Variants in KATNIP observed in about 807,000 individuals in gnomAD.
KATNIP encodes the protein katanin-interacting protein.
In KATNIP, 126 loss-of-function variants were observed where a neutral mutation model predicts 174.0. That is an observed-to-expected ratio of 0.72 (90% confidence interval 0.63 to 0.84). KATNIP has a LOEUF of 0.84. KATNIP is among the 40% of genes least tolerant of loss of function. The pLI is 0.00. For synonymous variants in KATNIP, 810 were observed against 835.7 expected (o/e 0.97, Z 0.53); for missense variants, 1,958 against 2,109.7 (o/e 0.93, Z 1.41).
intron 2 of KATNIP, among the ~76,000 whole-genome samples, chr16:27,574,736 G>C (rs975704578): frequency 3.3e-5 from 5 of 151,832 alleles, no homozygotes; most frequent in African/African-American, 1.2e-4. Context: ...GGCTAATTTT[G>C]TATTTTTAGT....
chr16:27,700,024 C>A (rs1388942057), intron 10 of KATNIP, among the ~76,000 whole-genome samples: 5 of 152,132 alleles, frequency 3.3e-5, no homozygotes. Flanking sequence ...GATTCTCCCA[C>A]CTCAGCCTCC....
rs186179738 is a variant in KATNIP, at chr16:27,762,817, G to A, written c.3809+1227G>A. On this transcript the variant is annotated intron_variant, in intron 19 of 27. Coordinates refer to ENST00000261588, the MANE Select transcript of KATNIP (RefSeq NM_015202.5). ...ACTCTCCTGAGTATTTAGGCTTGGA[G>A]CCTGGAGACCTGGCTCCCAGTCAGC... 1.1e-3 allele frequency among the ~76,000 whole-genome samples: 166 copies of A among 152,306 alleles called. 2 individuals carry two copies. Among genetic ancestry groups the A allele is most frequent in the African/African-American group, 3.9e-3 (161 of 41,558 alleles).
At chr16:27,651,268 T>C (rs571987314) in intron 6 of KATNIP, among the ~76,000 whole-genome samples, 2 of 152,366 alleles carry the variant, frequency 1.3e-5, no homozygotes, top group South Asian at 4.1e-4. Context: ...GAGTGCTTGA[T>C]TATATTTCTC....
At chr16:27,702,578 G>A (rs1250746696) in intron 11 of KATNIP, among the ~76,000 whole-genome samples, 6 of 152,200 alleles carry the variant, frequency 3.9e-5, no homozygotes, top group Non-Finnish European at 7.3e-5. Context: ...GCTGAGAGGC[G>A]AGAAGGGGCT....
intron 1 of KATNIP, among the ~76,000 whole-genome samples, chr16:27,560,283 G>GAAA (rs765910684): frequency 0.022 from 1,007 of 44,922 alleles, 14 homozygotes; most frequent in African/African-American, 0.047. Context: ...CTCTGTCTCA[G>GAAA]AAAAAAAAAA....
In KATNIP at chr16:27,778,642, G is replaced by A; in HGVS notation, c.*13G>A. ...ACGGCGCTGCTGACTGGTGAAGGAG[G>A]GAGAGCTGGTCCTCCCACTATGGTG... On this transcript the variant is annotated 3_prime_UTR_variant, in exon 28 of 28. Coordinates refer to ENST00000261588, the MANE Select transcript of KATNIP (RefSeq NM_015202.5). 2 of 1,613,054 alleles carry A rather than the reference G, an allele frequency of 1.2e-6. No homozygotes were observed. The highest frequency in any genetic ancestry group is 8.5e-7 in the Non-Finnish European group (1 of 1,179,376).
At chr16:27,653,108 G>A (rs1216062509) in intron 6 of KATNIP, among the ~76,000 whole-genome samples, 1 of 152,004 alleles carries the variant, frequency 6.6e-6, no homozygotes, top group South Asian at 2.1e-4. Context: ...TAACCATCCG[G>A]ACTAAAAATG....
chr16:27,663,738 C>A (rs1473871498), intron 6 of KATNIP, among the ~76,000 whole-genome samples: 3 of 151,772 alleles, frequency 2.0e-5, no homozygotes, highest in African/African-American at 4.8e-5. Context: ...GGATTACAGG[C>A]GTGAGCCACT....
intron 3 of KATNIP, among the ~76,000 whole-genome samples, chr16:27,628,249 T>G (rs2076387683): frequency 6.6e-6 from 1 of 152,224 alleles, no homozygotes; most frequent in African/African-American, 2.4e-5. Flanking sequence ...AAAAACCCCT[T>G]TTTGTTACAC....
At chr16:27,655,672 A>G (rs1246752316) in intron 6 of KATNIP, among the ~76,000 whole-genome samples, 1 of 152,218 alleles carries the variant, frequency 6.6e-6, no homozygotes, top group Non-Finnish European at 1.5e-5. Flanking sequence ...AACATCCATC[A>G]CGACGTTAAC....
At chr16:27,708,019 G>A (rs779188550) in intron 12 of KATNIP, among the ~76,000 whole-genome samples, 10 of 147,268 alleles carry the variant, frequency 6.8e-5, no homozygotes, top group Non-Finnish European at 6.0e-5. Context: ...AATTCAGCCC[G>A]TAACCTTTTT....
chr16:27,768,154 G>C lies in KATNIP; in HGVS notation c.3975+1680G>C, dbSNP rs191275806. Among the ~76,000 whole-genome samples, 38 of 152,288 alleles carry C rather than the reference G, an allele frequency of 2.5e-4. 1 individual carries two copies. The East Asian group carries it at 7.0e-3, about 28-fold the overall frequency. ...CCCACTGCAGTGAAATGGGTGCTTT[G>C]ACTCAGATCCCACACCCCAAAAGGC... On this transcript the variant is annotated intron_variant, in intron 20 of 27. Coordinates refer to ENST00000261588, the MANE Select transcript of KATNIP (RefSeq NM_015202.5).
intron 1 of KATNIP, among the ~76,000 whole-genome samples, chr16:27,552,787 C>T (rs1313736628): frequency 6.8e-6 from 1 of 147,384 alleles, no homozygotes; most frequent in African/African-American, 2.5e-5. Context: ...CTCCGCCTCC[C>T]GGGTTCAAGC....
rs1051073917 is a variant in KATNIP at position 27,698,252 on chromosome 16, A to AT, written c.941-74dup. 3.2e-4 allele frequency: 454 copies of AT among 1,405,352 alleles called. No homozygotes were observed. In the African/African-American group the frequency reaches 5.7e-3, roughly 18 times the overall value. The allele number at this position is 1,405,352 out of a possible 1,614,324, so 87.1% of individuals were successfully genotyped here. A position where few individuals can be genotyped will look rare whatever the true frequency, so the allele number is the denominator to read the frequency against. On this transcript the variant is annotated intron_variant, in intron 8 of 27. Transcript: ENST00000261588. ...CAGTTGTTTTATAGAATGTTCCTCAATTGGGGTCTAATGGGTTGTGAGCTG... is the reference window on the plus strand; with the variant it reads ...CAGTTGTTTTATAGAATGTTCCTCAATTTGGGGTCTAATGGGTTGTGAGCTG...
At chr16:27,717,783 AC>A (rs2080024166) in intron 13 of KATNIP, among the ~76,000 whole-genome samples, 2 of 152,052 alleles carry the variant, frequency 1.3e-5, no homozygotes, top group South Asian at 4.2e-4. Flanking sequence ...GGCCCGCTTT[AC>A]CTTCCATACA....
intron 2 of KATNIP, among the ~76,000 whole-genome samples, chr16:27,602,315 C>T (rs1279686000): frequency 3.3e-5 from 5 of 152,164 alleles, no homozygotes; most frequent in African/African-American, 7.2e-5. Flanking sequence ...AGTAGCTTCC[C>T]GGCCGCCTCA....
intron 6 of KATNIP, among the ~76,000 whole-genome samples, chr16:27,655,427 A>ATTTATTTATTTATTTC (rs2077249940): frequency 6.7e-6 from 1 of 149,934 alleles, no homozygotes; most frequent in African/African-American, 2.5e-5. Context: ...TTATTTATTT[A>ATTTATTTATTTATTTC]TTTTTGAGAG....
intron 17 of KATNIP, 34 bp from the exon 18 acceptor site, chr16:27,754,139 C>T: frequency 6.3e-7 from 1 of 1,582,752 alleles, no homozygotes; most frequent in Non-Finnish European, 8.7e-7. Context: ...CTAAAACCAC[C>T]CCCTTTTCCT....
chr16:27,640,876 A>C (rs233460), intron 5 of KATNIP, among the ~76,000 whole-genome samples: 129,064 of 151,922 alleles, frequency 0.85, 54,871 homozygotes, highest in East Asian at 1. Context: ...AGGCTCACGC[A>C]TGTAATCCCA....
Sources: allele counts gnomAD v4.1 joint callset (sites outside exome capture counted in the v4.1 genomes callset), GRCh38; gene constraint gnomAD v4.1.1; transcripts MANE v1.5; gene names NCBI Gene and HGNC (gene_info 2026-07-23, HGNC 2026-07-21).